CRISP1: variants seen among roughly 807,000 people sequenced by gnomAD.
The protein encoded by CRISP1 is cysteine-rich secretory protein 1.
In CRISP1, 44 loss-of-function variants were observed where a neutral mutation model predicts 33.1. The ratio of observed to expected loss-of-function variants is 1.33; its 90% CI spans 1.05 to 1.71. The LOEUF is 1.71. CRISP1 is among the 40% of genes most tolerant of loss of function. The pLI, the probability that CRISP1 is intolerant of heterozygous loss-of-function variation, is 0.00. For missense variants in CRISP1, 390 were observed against 301.2 expected, an observed-to-expected ratio of 1.29 and a Z score of -2.18; for synonymous variants, 103 against 98.7, an observed-to-expected ratio of 1.04 and a Z score of -0.26.
chr6:49,846,472 C>A, intron 5 of CRISP1, 48 bp downstream of exon 5: 1 of 1,570,228 alleles, frequency 6.4e-7, no homozygotes, highest in South Asian at 1.2e-5. Context: ...TTTCCACACA[C>A]ATGCTTATCT....
chr6:49,842,983 A>T lies in CRISP1; in HGVS notation c.436-1988T>A, dbSNP rs146953983. Among the ~76,000 whole-genome samples, 28 of 152,296 alleles carry T rather than the reference A, an allele frequency of 1.8e-4. No individual in the cohort carries two copies. In the East Asian group the frequency reaches 5.0e-3, roughly 27 times the overall value. On this transcript the variant is annotated intron_variant, in intron 5 of 7. Coordinates refer to ENST00000335847, the MANE Select transcript of CRISP1 (RefSeq NM_001131.3). ...AAATGAGAGAAATCATTTTGATAAAACGTGTTCTATTTTGAAAGTGACACC... is the reference window on the plus strand; with the variant it reads ...AAATGAGAGAAATCATTTTGATAAATCGTGTTCTATTTTGAAAGTGACACC...
intron 3 of CRISP1, among the ~76,000 whole-genome samples, chr6:49,849,863 G>A (rs1771296087): frequency 6.6e-6 from 1 of 151,408 alleles, no homozygotes; most frequent in Admixed American, 6.6e-5. Flanking sequence ...TGGTTTTGTA[G>A]GTTTTGATAG....
At chr6:49,841,561 G>A (rs1383598861) in intron 5 of CRISP1, among the ~76,000 whole-genome samples, 3 of 152,232 alleles carry the variant, frequency 2.0e-5, no homozygotes, top group Admixed American at 1.3e-4. Context: ...TCATTGGAAC[G>A]AAACATGAGT....
At chr6:49,848,039 T>A (rs1178591549) in intron 4 of CRISP1, among the ~76,000 whole-genome samples, 170 bp downstream of exon 4, 4 of 152,136 alleles carry the variant, frequency 2.6e-5, no homozygotes, top group African/African-American at 9.7e-5. Context: ...ACCTTAAAAA[T>A]TAATGAGTTA....
rs767130004 is a variant in CRISP1, at chr6:49,841,006, A to T, written c.436-11T>A. 3 of 1,605,564 alleles carry T rather than the reference A, an allele frequency of 1.9e-6. No homozygotes were observed. The South Asian group carries it at 3.3e-5, about 18-fold the overall frequency. ...TGTGGCCCAAACAATCTGCAATGAT[A>T]AAGAGTTGTTTTATTACAGATTAAA... On this transcript the variant is annotated splice_polypyrimidine_tract_variant and intron_variant, in intron 5 of 7. Transcript: ENST00000335847.
chr6:49,852,008 AG>A lies in CRISP1; in HGVS notation c.187del (p.Leu63Ter). On this transcript the variant is annotated frameshift_variant, in exon 3 of 8. Transcript: ENST00000335847. LOFTEE classifies it high-confidence loss of function. ...RRVVPPASNM[L>X]KMSWSEEAAQ... Reference sequence around the variant, plus strand: ...GCTATTTTTTGATCTTACCATCTTCAGCATGTTGCTGGCTGGTGGAACTACT... The same window carrying A: ...GCTATTTTTTGATCTTACCATCTTCACATGTTGCTGGCTGGTGGAACTACT... 6.2e-7 allele frequency: 1 copy of A among 1,607,538 alleles called. No individual in the cohort carries two copies. The highest frequency in any genetic ancestry group is 8.5e-7 in the Non-Finnish European group (1 of 1,178,040).
At chr6:49,869,320 C>T (rs764783524), upstream of CRISP1, among the ~76,000 whole-genome samples, 2 of 152,108 alleles carry the variant, frequency 1.3e-5, no homozygotes, top group Non-Finnish European at 2.9e-5. Context: ...TTCCACAGGG[C>T]TTCTGATTAT....
At chr6:49,863,311 T>C (rs1208356934) in intron 1 of CRISP1, among the ~76,000 whole-genome samples, 8 of 152,148 alleles carry the variant, frequency 5.3e-5, no homozygotes, top group Non-Finnish European at 1.5e-5. Flanking sequence ...GATAAATTAT[T>C]CTCTACCACC....
At chr6:49,850,967 A>T (rs561882902) in intron 3 of CRISP1, among the ~76,000 whole-genome samples, 1 of 152,246 alleles carries the variant, frequency 6.6e-6, no homozygotes, top group Non-Finnish European at 1.5e-5. Flanking sequence ...TCTTAGGTTC[A>T]GTGTCATAAT....
intron 1 of CRISP1, among the ~76,000 whole-genome samples, chr6:49,861,313 C>T (rs554755133): frequency 1.3e-5 from 2 of 152,074 alleles, no homozygotes; most frequent in African/African-American, 4.8e-5. Flanking sequence ...AGGCCAATAT[C>T]CCTGATGAAC....
intron 5 of CRISP1, among the ~76,000 whole-genome samples, chr6:49,841,531 CTG>C (rs941007204): frequency 4.6e-5 from 7 of 152,130 alleles, no homozygotes; most frequent in Non-Finnish European, 1.0e-4. Flanking sequence ...GATCAAAACT[CTG>C]TGTCAATTCT....
chr6:49,851,669 C>A (rs953320135), intron 3 of CRISP1, among the ~76,000 whole-genome samples: 1 of 152,114 alleles, frequency 6.6e-6, no homozygotes, highest in Non-Finnish European at 1.5e-5. Context: ...GTCTCCAGGT[C>A]AGACCTCATG....
At position 49,838,524 on chromosome 6, in the gene CRISP1, C is replaced by A. The variant is rs911719562; in HGVS notation, c.535G>T (p.Gly179Ter). The change falls in exon 7 of 8, where the codon GGA (glycine) becomes TGA (stop). Residue 179 changes from glycine (G) to a stop codon, truncating the protein, a stop_gained and splice_region_variant. Coordinates refer to ENST00000335847, the MANE Select transcript of CRISP1 (RefSeq NM_001131.3). LOFTEE classifies it high-confidence loss of function. ...YLYVCHYCHE[G>*]NDPETKNEPY... Reference sequence around the variant, plus strand: ...TCATTCTTTGTTTCAGGATCATTTCCCCTTGAATAAAAAAAAGTGATTTCA... The same window carrying A: ...TCATTCTTTGTTTCAGGATCATTTCACCTTGAATAAAAAAAAGTGATTTCA... 2 of 1,607,594 alleles carry A rather than the reference C, an allele frequency of 1.2e-6. No individual in the cohort carries two copies. The highest frequency in any genetic ancestry group is 1.7e-6 in the Non-Finnish European group (2 of 1,177,314).
rs1175448376 is a variant in CRISP1 at position 49,834,394 on chromosome 6, A to G, written c.*922T>C. The G allele has an allele frequency of 6.6e-6, 1 of 152,108 alleles. No individual in the cohort carries two copies. The highest frequency in any genetic ancestry group is 1.5e-5 in the Non-Finnish European group (1 of 68,016). 9.4% of individuals were successfully genotyped at this position (152,108 alleles called of 1,614,324 possible). ...CCCTTTCCCCATGTCAGGCCCTTCA[A>G]TATTCCCTAAGGCTTCAGTGCATTT... On this transcript the variant is annotated 3_prime_UTR_variant, in exon 8 of 8. Coordinates refer to ENST00000335847, the MANE Select transcript of CRISP1 (RefSeq NM_001131.3).
intron 5 of CRISP1, among the ~76,000 whole-genome samples, chr6:49,845,648 G>A (rs1267652296): frequency 6.6e-6 from 1 of 150,734 alleles, no homozygotes; most frequent in Admixed American, 6.6e-5. Context: ...ACAATTGAAA[G>A]CAAGCACTCA....
chr6:49,867,929 A>G (rs932694850), upstream of CRISP1, among the ~76,000 whole-genome samples: 1 of 152,178 alleles, frequency 6.6e-6, no homozygotes, highest in Non-Finnish European at 1.5e-5. Flanking sequence ...TTACTTCACC[A>G]AACCAGCATG....
upstream of CRISP1, among the ~76,000 whole-genome samples, chr6:49,871,117 A>AAACAAC (rs1288894046): frequency 1.6e-4 from 1 of 6,200 alleles, no homozygotes; most frequent in Non-Finnish European, 4.1e-4. Flanking sequence ...ACAAAAACAA[A>AAACAAC]AACAAAACAA....
intron 2 of CRISP1, among the ~76,000 whole-genome samples, chr6:49,855,520 A>G (rs1248349022): frequency 6.6e-6 from 1 of 151,276 alleles, no homozygotes. Context: ...TACCTTTGAT[A>G]GTACACCTTG....
intron 1 of CRISP1, among the ~76,000 whole-genome samples, chr6:49,876,323 A>G (rs983292833): frequency 6.6e-6 from 1 of 152,188 alleles, no homozygotes; most frequent in African/African-American, 2.4e-5. Flanking sequence ...AATGCAAATC[A>G]AAACCACAAT....
Sources: allele counts gnomAD v4.1 joint callset (sites outside exome capture counted in the v4.1 genomes callset), GRCh38; gene constraint gnomAD v4.1.1; transcripts MANE v1.5; gene names NCBI Gene and HGNC (gene_info 2026-07-23, HGNC 2026-07-21).